The following PTPRK variants were observed in gnomAD, a reference collection of about 807,000 sequenced individuals.
PTPRK encodes the protein protein tyrosine phosphatase receptor type K.
In PTPRK, 75 loss-of-function variants were observed where a neutral mutation model predicts 178.0. The observed-to-expected ratio is 0.42, with a 90% CI of 0.35 to 0.51. The LOEUF (loss-of-function observed/expected upper bound fraction) is 0.51, where lower values mean the gene tolerates loss of function less well. Ranked by LOEUF, PTPRK falls within the 20% of genes least tolerant of loss-of-function variation. PTPRK has a pLI of 0.02. For missense variants in PTPRK, 1,441 were observed against 1,797.8 expected (o/e 0.80, Z 3.59); for synonymous variants, 637 against 620.6 (o/e 1.03, Z -0.39).
intron 1 of PTPRK, among the ~76,000 whole-genome samples, chr6:128,420,916 G>A (rs554948141): frequency 2.3e-4 from 35 of 152,224 alleles, no homozygotes; most frequent in African/African-American, 6.3e-4. Flanking sequence ...ATAAAATGAC[G>A]AAATTCAATT....
At chr6:128,498,527 T>G (rs901820111) in intron 1 of PTPRK, among the ~76,000 whole-genome samples, 4 of 152,310 alleles carry the variant, frequency 2.6e-5, no homozygotes, top group African/African-American at 9.6e-5. Flanking sequence ...TGGAGAACAG[T>G]GGCATCAATG....
In PTPRK at chr6:128,218,955, C is replaced by T. The variant is rs893458936; in HGVS notation, c.835G>A (p.Gly279Ser). Residue 279 changes from glycine (G) to serine (S), a missense_variant, in exon 6 of 30, where the codon GGT becomes AGT. Gly to Ser is a moderately conservative substitution (Grantham distance 56). Transcript: ENST00000368226. ...ATAAGTTGAGCAAAATTGGACACAC[C>T]GGAACCTCGTTCTGACTGAGTTACA... The part of the protein sequence containing the change: ...RCVTQSERGS[G>S]VSNFAQLIVR... 25 of 1,613,678 alleles carry T rather than the reference C, an allele frequency of 1.5e-5. No individual in the cohort carries two copies. Among genetic ancestry groups the T allele is most frequent in the East Asian group, 2.2e-5 (1 of 44,880 alleles).
chr6:127,972,905 C>G, intron 29 of PTPRK, 117 bp downstream of exon 29: 1 of 1,061,572 alleles, frequency 9.4e-7, no homozygotes. Flanking sequence ...GGAAAGTCCC[C>G]ACAACGTCTC....
rs1169515184 is a variant in PTPRK at position 127,973,115 on chromosome 6, G to A, written c.4176C>T (p.Ile1392=). ...GRSGMFCAIG[I]VVEMVKRQNV... ...TTTGCCGTTTCACCATTTCAACAACGATGCCTATAGCACAGAACATGCCAC... is the reference window on the plus strand; with the variant it reads ...TTTGCCGTTTCACCATTTCAACAACAATGCCTATAGCACAGAACATGCCAC... Residue 1392 remains isoleucine, a synonymous_variant, in exon 29 of 30, where the codon ATC becomes ATT. Coordinates refer to ENST00000368226, the MANE Select transcript of PTPRK (RefSeq NM_002844.4). The A allele has an allele frequency of 7.4e-6, 12 of 1,613,924 alleles. No homozygotes were observed. Among genetic ancestry groups the A allele is most frequent in the Non-Finnish European group, 9.3e-6 (11 of 1,179,946 alleles).
intron 2 of PTPRK, among the ~76,000 whole-genome samples, chr6:128,354,231 G>GTTTTTTT (rs756148554): frequency 0.43 from 20,643 of 47,928 alleles, 8,547 homozygotes; most frequent in Non-Finnish European, 0.52. Context: ...TTTTGTTTAT[G>GTTTTTTT]TTTTTTTTTT....
rs1268995750 is a variant in PTPRK, at chr6:128,105,568, C to A, written c.1163-15576G>T. 3.9e-5 allele frequency among the ~76,000 whole-genome samples: 6 copies of A among 152,176 alleles called. No individual in the cohort carries two copies. The East Asian group carries it at 1.2e-3, about 29-fold the overall frequency. ...GAGCATAAAATATCAAAATAAAACT[C>A]ATGAAGACAGAAAGAAAATTACTGA... On this transcript the variant is annotated intron_variant, in intron 7 of 29. Coordinates refer to ENST00000368226, the MANE Select transcript of PTPRK (RefSeq NM_002844.4).
In PTPRK at chr6:128,278,347, A is replaced by G. The variant is rs777904445; in HGVS notation, c.496-35745T>C. ...AATTTTTTGTATTTTTAGTAGAGACAGTGTTTCACTCTGTTTGCCAGACTG... is the reference window on the plus strand; with the variant it reads ...AATTTTTTGTATTTTTAGTAGAGACGGTGTTTCACTCTGTTTGCCAGACTG... On this transcript the variant is annotated intron_variant, in intron 3 of 29. Transcript: ENST00000368226. 5.9e-5 allele frequency among the ~76,000 whole-genome samples: 9 copies of G among 151,904 alleles called. No individual in the cohort carries two copies. In the South Asian group the frequency reaches 6.2e-4, roughly 11 times the overall value.
intron 1 of PTPRK, among the ~76,000 whole-genome samples, chr6:128,518,709 A>G (rs1858471584): frequency 6.6e-6 from 1 of 152,226 alleles, no homozygotes; most frequent in Non-Finnish European, 1.5e-5. Context: ...TACTCCAGAA[A>G]GAATTCAATT....
At chr6:128,428,352 G>A (rs1448542792) in intron 1 of PTPRK, among the ~76,000 whole-genome samples, 1 of 152,168 alleles carries the variant, frequency 6.6e-6, no homozygotes, top group Non-Finnish European at 1.5e-5. Flanking sequence ...CACATCATTA[G>A]TAGACTACTA....
At chr6:128,187,274 A>AAG (rs1057402371) in intron 6 of PTPRK, among the ~76,000 whole-genome samples, 33 of 152,264 alleles carry the variant, frequency 2.2e-4, no homozygotes, top group African/African-American at 7.5e-4. Context: ...AAGTGAAAGA[A>AAG]AGAAGAGAAA....
At chr6:128,145,254 G>A (rs1583208581) in intron 7 of PTPRK, among the ~76,000 whole-genome samples, 1 of 151,464 alleles carries the variant, frequency 6.6e-6, no homozygotes, top group East Asian at 1.9e-4. Flanking sequence ...CCTATCACAC[G>A]CACACACACA....
At chr6:128,512,622 T>A (rs1245836679) in intron 1 of PTPRK, among the ~76,000 whole-genome samples, 3 of 152,196 alleles carry the variant, frequency 2.0e-5, no homozygotes, top group African/African-American at 7.2e-5. Flanking sequence ...TCTGGGAAAA[T>A]TCATTTTCTA....
At chr6:127,979,031 G>T (rs1774939027) in intron 25 of PTPRK, among the ~76,000 whole-genome samples, 1 of 152,132 alleles carries the variant, frequency 6.6e-6, no homozygotes, top group African/African-American at 2.4e-5. Flanking sequence ...GACAGTAAGA[G>T]CAGGTGGATT....
chr6:128,009,380 A>G, intron 13 of PTPRK, 112 bp from the exon 14 acceptor site: 1 of 939,018 alleles, frequency 1.1e-6, no homozygotes, highest in Non-Finnish European at 1.6e-6. Flanking sequence ...TATATTAATA[A>G]AAATAATCCC....
chr6:128,376,796 C>T (rs1474740587), intron 2 of PTPRK, among the ~76,000 whole-genome samples: 2 of 152,158 alleles, frequency 1.3e-5, no homozygotes, highest in Admixed American at 1.3e-4. Context: ...TAACCTAAAT[C>T]ACCTCTCTCA....
At chr6:128,193,759 G>T (rs934675306) in intron 6 of PTPRK, among the ~76,000 whole-genome samples, 1 of 152,014 alleles carries the variant, frequency 6.6e-6, no homozygotes, top group African/African-American at 2.4e-5. Flanking sequence ...CATTACCATG[G>T]CGTTTTATTC....
At chr6:128,138,589 A>G (rs974180660) in intron 7 of PTPRK, among the ~76,000 whole-genome samples, 1 of 152,120 alleles carries the variant, frequency 6.6e-6, no homozygotes, top group Non-Finnish European at 1.5e-5. Context: ...TATTTTTTAA[A>G]AACAGCTCTG....
intron 2 of PTPRK, among the ~76,000 whole-genome samples, chr6:128,353,134 T>A (rs1833420374): frequency 6.6e-6 from 1 of 152,230 alleles, no homozygotes; most frequent in Admixed American, 6.5e-5. Flanking sequence ...ATATTTGATA[T>A]TATCAGCCAT....
At position 128,089,673 on chromosome 6, in the gene PTPRK, G is replaced by C. The variant is rs760909875; in HGVS notation, c.1465+17C>G. ...TTAGAGAATTCCCCCCTTTTAAACA[G>C]CAAAGTATGAGCATACCATCTTCAT... On this transcript the variant is annotated intron_variant, in intron 8 of 29. Coordinates refer to ENST00000368226, the MANE Select transcript of PTPRK (RefSeq NM_002844.4). The C allele has an allele frequency of 5.1e-6, 8 of 1,583,618 alleles. No individual in the cohort carries two copies. The highest frequency in any genetic ancestry group is 1.7e-4 in the Middle Eastern group (1 of 6,000).
Sources: allele counts gnomAD v4.1 joint callset (sites outside exome capture counted in the v4.1 genomes callset), GRCh38; gene constraint gnomAD v4.1.1; transcripts MANE v1.5; gene names NCBI Gene and HGNC (gene_info 2026-07-23, HGNC 2026-07-21).